Variants in ZNF257 observed in about 807,000 individuals in gnomAD.
ZNF257 encodes bone marrow zinc finger 4.
In ZNF257, 12 loss-of-function variants were observed where a neutral mutation model predicts 11.9. That is an observed-to-expected ratio of 1.01 (90% CI 0.65 to 1.63). The LOEUF (loss-of-function observed/expected upper bound fraction) is 1.63. Among genes scored for constraint, ZNF257 ranks in the 40% most tolerant of loss-of-function variants. The probability of loss-of-function intolerance (pLI) is 0.00; values close to 1 mark genes in which losing one functional copy is unlikely to be tolerated. For synonymous variants in ZNF257, 183 were observed against 222.7 expected, an observed-to-expected ratio of 0.82 and a Z score of 1.59; for missense variants, 580 against 665.5, an observed-to-expected ratio of 0.87 and a Z score of 1.41.
At chr19:22,081,429 AG>A (rs150822714) in intron 3 of ZNF257, among the ~76,000 whole-genome samples, 2,851 of 152,104 alleles carry the variant, frequency 0.019, 91 homozygotes, top group African/African-American at 0.066. Context: ...TGTTACTTTC[AG>A]CCTATTTAAC....
Position 22,072,265 on chromosome 19 carries a change from G to A in ZNF257, c.4-544G>A, listed in dbSNP as rs1024063277. Among the ~76,000 whole-genome samples the A allele has an allele frequency of 3.9e-5, 6 of 151,962 alleles. 1 individual carries two copies. The highest frequency in any genetic ancestry group is 5.9e-5 in the Non-Finnish European group (4 of 68,006). On this transcript the variant is annotated intron_variant, in intron 1 of 3. Coordinates refer to ENST00000594947, the MANE Select transcript of ZNF257 (RefSeq NM_033468.4). ...TCATTATAAATTATTTTTATGCAGCGGATGTGCATAAACCATCACATTTTA... is the reference window on the plus strand; with the variant it reads ...TCATTATAAATTATTTTTATGCAGCAGATGTGCATAAACCATCACATTTTA...
intron 1 of ZNF257, among the ~76,000 whole-genome samples, chr19:22,067,875 T>C (rs1273406773): frequency 6.8e-6 from 1 of 146,446 alleles, no homozygotes; most frequent in Non-Finnish European, 1.5e-5. Context: ...AACACAATTA[T>C]GTCTCCCCCC....
chr19:22,086,615 A>G (rs1047233058), intron 3 of ZNF257, among the ~76,000 whole-genome samples: 2 of 151,896 alleles, frequency 1.3e-5, no homozygotes, highest in Non-Finnish European at 2.9e-5. Context: ...TGCAGTGCCA[A>G]TATACTGTCT....
chr19:22,059,418 C>T (rs1599659513), intron 1 of ZNF257, among the ~76,000 whole-genome samples: 1 of 151,742 alleles, frequency 6.6e-6, no homozygotes, highest in African/African-American at 2.4e-5. Context: ...TTTTTTGAGA[C>T]TCTGGGATTA....
intron 3 of ZNF257, among the ~76,000 whole-genome samples, chr19:22,084,925 C>A (rs569828198): frequency 2.6e-5 from 4 of 152,032 alleles, no homozygotes; most frequent in Non-Finnish European, 5.9e-5. Flanking sequence ...GACAGGGTTT[C>A]ACTATGTTGG....
chr19:22,067,967 A>G (rs886700416), intron 1 of ZNF257, among the ~76,000 whole-genome samples: 2 of 152,006 alleles, frequency 1.3e-5, no homozygotes, highest in African/African-American at 4.8e-5. Flanking sequence ...GTGACACTGA[A>G]CACTATAACT....
intron 3 of ZNF257, chr19:22,087,527 T>C: frequency 8.2e-7 from 1 of 1,226,168 alleles, no homozygotes. Flanking sequence ...CTATTTTTTT[T>C]CAGCATTTTA....
In ZNF257 at chr19:22,056,111, T is replaced by A. The variant is rs185846159; in HGVS notation, c.3+3476T>A. 5.4e-3 allele frequency among the ~76,000 whole-genome samples: 815 copies of A among 152,190 alleles called. 3 individuals are homozygous for A. Among genetic ancestry groups the A allele is most frequent in the African/African-American group, 0.018 (748 of 41,520 alleles). ...TCACTTATCTTGACCTCCGATTTTT[T>A]AAGTATAAGTTGCATTTTATTAGTA... On this transcript the variant is annotated intron_variant, in intron 1 of 3. Transcript: ENST00000594947.
intron 3 of ZNF257, among the ~76,000 whole-genome samples, chr19:22,084,823 G>A (rs1468367974): frequency 6.7e-6 from 1 of 149,890 alleles, no homozygotes; most frequent in Non-Finnish European, 1.5e-5. Context: ...CCTGCCTCCC[G>A]GGTTCAAGTG....
At chr19:22,083,931 G>C (rs1162431744) in intron 3 of ZNF257, among the ~76,000 whole-genome samples, 5 of 152,114 alleles carry the variant, frequency 3.3e-5, no homozygotes, top group African/African-American at 1.2e-4. Context: ...CCTGAGGTCA[G>C]GAGTTCTAGA....
chr19:22,085,627 A>T, intron 3 of ZNF257, among the ~76,000 whole-genome samples: 1 of 120,370 alleles, frequency 8.3e-6, no homozygotes, highest in Admixed American at 8.1e-5. Flanking sequence ...CTATGTGTTT[A>T]TTCAATTATG....
Position 22,088,629 on chromosome 19 carries a change from C to G in ZNF257, c.879C>G (p.Ala293=). The G allele has an allele frequency of 6.2e-7, 1 of 1,609,204 alleles. No homozygotes were observed. The highest frequency in any genetic ancestry group is 1.1e-5 in the South Asian group (1 of 90,878). Residue 293 remains alanine, a synonymous_variant, in exon 4 of 4, where the codon GCC becomes GCG. Coordinates refer to ENST00000594947, the MANE Select transcript of ZNF257 (RefSeq NM_033468.4). Reference sequence around the variant, plus strand: ...TCAAATATGATGAATGTTGCAAAGCCTTTAAGTGGTCCTCAGCTCTTACTA... The same window carrying G: ...TCAAATATGATGAATGTTGCAAAGCGTTTAAGTGGTCCTCAGCTCTTACTA... ...KPFKYDECCK[A]FKWSSALTTL...
chr19:22,073,563 A>C lies in ZNF257; in HGVS notation c.225A>C (p.Pro75=). The C allele has an allele frequency of 6.2e-7, 1 of 1,609,866 alleles. No homozygotes were observed. Among genetic ancestry groups the C allele is most frequent in the Non-Finnish European group, 8.5e-7 (1 of 1,178,266 alleles). The change falls in exon 3 of 4, where the codon CCA becomes CCC. Residue 75 remains proline, a splice_region_variant and synonymous_variant. Transcript: ENST00000594947. The part of the protein sequence containing the change: ...MKRHEMVAKP[P]VMCSHIAEDL... Reference sequence around the variant, plus strand: ...GACATGAGATGGTAGCCAAACCCCCAGGTAGGTGAGAGTGAAAGCCAGTAC... The same window carrying C: ...GACATGAGATGGTAGCCAAACCCCCCGGTAGGTGAGAGTGAAAGCCAGTAC...
chr19:22,053,529 A>G (rs1216836776), intron 1 of ZNF257, among the ~76,000 whole-genome samples: 1 of 152,228 alleles, frequency 6.6e-6, no homozygotes, highest in Non-Finnish European at 1.5e-5. Flanking sequence ...GTTAATTTGT[A>G]CTATCAAGGT....
At position 22,089,206 on chromosome 19, in the gene ZNF257, C is replaced by T. The variant is rs2022566600; in HGVS notation, c.1456C>T (p.Pro486Ser). ...QHKIIHTGEK[P>S]YKCEECGKAF... Reference sequence around the variant, plus strand: ...TAAAATAATTCATACTGGGGAGAAGCCCTACAAATGTGAAGAATGTGGCAA... The same window carrying T: ...TAAAATAATTCATACTGGGGAGAAGTCCTACAAATGTGAAGAATGTGGCAA... The change falls in exon 4 of 4, where the codon CCC (proline) becomes TCC (serine). Residue 486 changes from proline (P) to serine (S), a missense_variant. By Grantham distance (74) the Pro-to-Ser change is moderately conservative (BLOSUM62 -1). Transcript: ENST00000594947. The T allele has an allele frequency of 6.2e-7, 1 of 1,613,770 alleles. No homozygotes were observed.
intron 3 of ZNF257, among the ~76,000 whole-genome samples, chr19:22,083,918 T>A (rs1405171819): frequency 6.6e-6 from 1 of 152,134 alleles, no homozygotes; most frequent in African/African-American, 2.4e-5. Context: ...GGTGGGTGGA[T>A]CACCTGAGGT....
intron 1 of ZNF257, among the ~76,000 whole-genome samples, chr19:22,053,633 A>G (rs1033389261): frequency 2.0e-5 from 3 of 152,166 alleles, no homozygotes; most frequent in African/African-American, 7.2e-5. Flanking sequence ...ATTTATAAAA[A>G]CATGCGTTTG....
intron 1 of ZNF257, among the ~76,000 whole-genome samples, chr19:22,061,148 G>A (rs1469042515): frequency 8.0e-5 from 12 of 150,746 alleles, no homozygotes; most frequent in African/African-American, 2.7e-4. Context: ...GGATTCTTTT[G>A]GTTCTGTTAA....
chr19:22,069,363 C>G (rs1442308729), intron 1 of ZNF257, among the ~76,000 whole-genome samples: 1 of 152,062 alleles, frequency 6.6e-6, no homozygotes, highest in Non-Finnish European at 1.5e-5. Context: ...GCCTGTAATC[C>G]CAGCACTTTG....
Sources: gnomAD v4.1 joint callset for allele counts (sites outside exome capture counted in the v4.1 genomes callset) on GRCh38, gnomAD v4.1.1 for gene constraint, MANE v1.5 for transcripts, NCBI Gene and HGNC (gene_info 2026-07-23, HGNC 2026-07-21) for gene names.